ACYP2: variants seen among roughly 807,000 people sequenced by gnomAD.
The protein encoded by ACYP2 is acylphosphatase-2.
ACYP2 carries 12 observed loss-of-function variants against 11.2 expected under a neutral mutation model. That is an observed-to-expected ratio of 1.08 (90% CI 0.69 to 1.74). ACYP2 has a LOEUF of 1.74. Ranked by LOEUF, ACYP2 falls within the 40% of genes most tolerant of loss-of-function variation. The pLI, the probability that ACYP2 is intolerant of heterozygous loss-of-function variation, is 0.00. For synonymous variants in ACYP2, 43 were observed against 32.2 expected (o/e 1.33, Z -1.13); for missense variants, 134 against 101.9 (o/e 1.31, Z -1.35).
chr2:54,067,485 T>C (rs948520520), intron 4 of ACYP2, among the ~76,000 whole-genome samples: 1 of 152,234 alleles, frequency 6.6e-6, no homozygotes, highest in African/African-American at 2.4e-5. Flanking sequence ...TAAGGATCTG[T>C]AGTTAAATTT....
intron 6 of ACYP2, among the ~76,000 whole-genome samples, chr2:54,302,734 T>C (rs11678184): frequency 0.039 from 5,977 of 152,164 alleles, 162 homozygotes; most frequent in South Asian, 0.1. Flanking sequence ...AATCTGCTCC[T>C]CTCACAGTCT....
At chr2:54,135,414 G>C (rs1330779876) in intron 4 of ACYP2, 39 bp from the exon 2 acceptor site, 14 of 1,596,480 alleles carry the variant, frequency 8.8e-6, no homozygotes, top group Non-Finnish European at 1.1e-5. Context: ...TTTTAAAGGA[G>C]GACAAGCTGA....
intron 6 of ACYP2, among the ~76,000 whole-genome samples, chr2:54,286,058 G>A (rs1487529230): frequency 6.6e-6 from 1 of 152,212 alleles, no homozygotes; most frequent in Non-Finnish European, 1.5e-5. Flanking sequence ...AATACTGTAA[G>A]TGAGAAATGC....
chr2:54,182,486 C>A (rs1049133731), intron 6 of ACYP2, among the ~76,000 whole-genome samples: 2 of 152,144 alleles, frequency 1.3e-5, no homozygotes, highest in Non-Finnish European at 2.9e-5. Context: ...GGACTACAGG[C>A]ATGCGTCACC....
chr2:54,257,697 A>G (rs1000030514), intron 6 of ACYP2, among the ~76,000 whole-genome samples: 2 of 152,276 alleles, frequency 1.3e-5, no homozygotes, highest in Non-Finnish European at 2.9e-5. Flanking sequence ...ATATTTGGAG[A>G]GAAAATTATA....
At chr2:54,150,347 A>G (rs879433855) in intron 6 of ACYP2, among the ~76,000 whole-genome samples, 1 of 152,200 alleles carries the variant, frequency 6.6e-6, no homozygotes, top group African/African-American at 2.4e-5. Context: ...TTGTAGGTCT[A>G]ACTCATCAAA....
chr2:54,288,134 C>CAAAATGG (rs945202878), intron 6 of ACYP2, among the ~76,000 whole-genome samples: 5 of 152,012 alleles, frequency 3.3e-5, no homozygotes, highest in African/African-American at 1.2e-4. Context: ...TGTTGCCTTC[C>CAAAATGG]AAAATGGAAA....
At chr2:54,035,172 T>C (rs901628654) in intron 2 of ACYP2, among the ~76,000 whole-genome samples, 3 of 151,914 alleles carry the variant, frequency 2.0e-5, no homozygotes, top group Admixed American at 6.6e-5. Flanking sequence ...CAGCTGTTGC[T>C]ACCATGTTGT....
chr2:54,098,470 T>C (rs1444725581), intron 4 of ACYP2, among the ~76,000 whole-genome samples: 2 of 152,148 alleles, frequency 1.3e-5, no homozygotes, highest in Non-Finnish European at 1.5e-5. Context: ...TCCCATGGAA[T>C]GTCCTATATT....
chr2:54,002,417 C>G (rs373052186), intron 2 of ACYP2, among the ~76,000 whole-genome samples: 21 of 150,486 alleles, frequency 1.4e-4, no homozygotes, highest in African/African-American at 4.7e-4. Context: ...ACAATCTTGG[C>G]TCACTGCAAC....
At chr2:54,261,770 T>C (rs1230150264) in intron 6 of ACYP2, among the ~76,000 whole-genome samples, 2 of 152,224 alleles carry the variant, frequency 1.3e-5, no homozygotes, top group Non-Finnish European at 2.9e-5. Flanking sequence ...CTGAATACAA[T>C]ATGTTACTTT....
chr2:54,205,180 TCTCAAGCACCTG>T (rs1182495003), intron 6 of ACYP2, among the ~76,000 whole-genome samples: 1 of 152,204 alleles, frequency 6.6e-6, no homozygotes, highest in Non-Finnish European at 1.5e-5. Context: ...GAGTATGTAT[TCTCAAGCACCTG>T]CATAGGCATG....
At chr2:54,111,173 C>A (rs1233069077) in intron 4 of ACYP2, among the ~76,000 whole-genome samples, 3 of 152,270 alleles carry the variant, frequency 2.0e-5, no homozygotes, top group African/African-American at 4.8e-5. Context: ...GTAGAGAGAA[C>A]TGGCATAGCC....
At chr2:54,121,024 G>C (rs1289258759) in intron 4 of ACYP2, among the ~76,000 whole-genome samples, 1 of 152,128 alleles carries the variant, frequency 6.6e-6, no homozygotes, top group African/African-American at 2.4e-5. Context: ...GGCACACAAT[G>C]GTTTTTTCAC....
At chr2:54,113,540 A>C (rs369493438) in intron 4 of ACYP2, among the ~76,000 whole-genome samples, 1 of 152,038 alleles carries the variant, frequency 6.6e-6, no homozygotes, top group African/African-American at 2.4e-5. Context: ...GCCACCGTGC[A>C]GGCCAAGATA....
intron 4 of ACYP2, among the ~76,000 whole-genome samples, chr2:54,057,796 C>G (rs1471422011): frequency 6.6e-6 from 1 of 152,034 alleles, no homozygotes; most frequent in African/African-American, 2.4e-5. Context: ...AATGAGGAGT[C>G]AAAGCAGGGA....
chr2:54,274,225 T>C (rs1352216729), intron 6 of ACYP2, among the ~76,000 whole-genome samples: 7 of 152,232 alleles, frequency 4.6e-5, no homozygotes, highest in South Asian at 2.1e-4. Context: ...AACTCCCCCT[T>C]ATAATAACCA....
intron 6 of ACYP2, among the ~76,000 whole-genome samples, chr2:54,300,874 G>A (rs1689697549): frequency 2.6e-5 from 4 of 152,190 alleles, no homozygotes; most frequent in African/African-American, 9.6e-5. Context: ...ATATTATCAA[G>A]CTTTTAAATC....
intron 6 of ACYP2, among the ~76,000 whole-genome samples, chr2:54,288,475 C>T (rs917893679): frequency 1.1e-4 from 16 of 151,970 alleles, no homozygotes; most frequent in Admixed American, 9.2e-4. Context: ...CAGGTTTCAC[C>T]TAGGCTAGAG....
Sources: gnomAD v4.1 joint callset for allele counts (sites outside exome capture counted in the v4.1 genomes callset) on GRCh38, gnomAD v4.1.1 for gene constraint, MANE v1.5 for transcripts, NCBI Gene and HGNC (gene_info 2026-07-23, HGNC 2026-07-21) for gene names.